The following TMEM132B variants were observed in gnomAD, a reference collection of about 807,000 sequenced individuals.
TMEM132B encodes the protein transmembrane protein 132B.
A neutral mutation model predicts 90.8 loss-of-function variants in TMEM132B; 18 were observed. The ratio of observed to expected loss-of-function variants is 0.20; its 90% CI spans 0.14 to 0.29. The LOEUF (loss-of-function observed/expected upper bound fraction) is 0.29, where lower values mean the gene tolerates loss of function less well. Among genes scored for constraint, TMEM132B ranks in the 10% least tolerant of loss-of-function variants. The probability of loss-of-function intolerance (pLI) is 1.00; values close to 1 mark genes in which losing one functional copy is unlikely to be tolerated. For missense variants in TMEM132B, 1,096 were observed against 1,326.8 expected (o/e 0.83, Z 2.70); for synonymous variants, 504 against 523.3 (o/e 0.96, Z 0.50).
chr12:125,426,409 A>G (rs1487318693), intron 3 of TMEM132B, among the ~76,000 whole-genome samples: 3 of 152,210 alleles, frequency 2.0e-5, no homozygotes. Context: ...ATATGTTCAT[A>G]GATTTCAAGT....
intron 3 of TMEM132B, among the ~76,000 whole-genome samples, chr12:125,494,969 C>T (rs1882506357): frequency 7.6e-6 from 1 of 130,894 alleles, no homozygotes; most frequent in Non-Finnish European, 1.6e-5. Flanking sequence ...TGCGTCCCTC[C>T]TCCCCCTCCT....
chr12:125,317,733 C>T (rs951694756), intron 1 of TMEM132B, among the ~76,000 whole-genome samples: 1 of 152,076 alleles, frequency 6.6e-6, no homozygotes, highest in African/African-American at 2.4e-5. Flanking sequence ...GAAGGGGTGG[C>T]CAGTGTGACT....
At chr12:125,575,778 T>G (rs1884928210) in intron 4 of TMEM132B, among the ~76,000 whole-genome samples, 1 of 152,088 alleles carries the variant, frequency 6.6e-6, no homozygotes, top group African/African-American at 2.4e-5. Context: ...CTTTTTTATG[T>G]GGATATCCGG....
rs1408781103 is a variant in TMEM132B, at chr12:125,658,393, C to A, written c.*3683C>A. Reference sequence around the variant, plus strand: ...CTATTATTAAGGCTCTGTGAGGGAACTGTTCAGTCTCACAGCAAGGACCAC... The same window carrying A: ...CTATTATTAAGGCTCTGTGAGGGAAATGTTCAGTCTCACAGCAAGGACCAC... On this transcript the variant is annotated 3_prime_UTR_variant, in exon 9 of 9. Transcript: ENST00000682704. The A allele has an allele frequency of 6.6e-6, 1 of 152,202 alleles. No homozygotes were observed. The highest frequency in any genetic ancestry group is 2.4e-5 in the African/African-American group (1 of 41,458). 9.4% of individuals were successfully genotyped at this position (152,202 alleles called of 1,614,324 possible).
intron 4 of TMEM132B, among the ~76,000 whole-genome samples, chr12:125,524,870 A>G (rs1309701226): frequency 6.6e-6 from 1 of 152,178 alleles, no homozygotes; most frequent in Non-Finnish European, 1.5e-5. Flanking sequence ...GAGAGACAGA[A>G]TCACAGAGGG....
chr12:125,293,414 A>C (rs1051177147), intron 1 of TMEM132B, among the ~76,000 whole-genome samples: 9 of 138,252 alleles, frequency 6.5e-5, no homozygotes, highest in Non-Finnish European at 1.4e-4. Context: ...TTCTAAGCAT[A>C]ATACCCAGTA....
rs768917407 is a variant in TMEM132B at position 125,432,397 on chromosome 12, A to ATATATATATG, written c.1106+16721_1106+16722insATATATATGT. 7.3e-5 allele frequency among the ~76,000 whole-genome samples: 5 copies of ATATATATATG among 68,346 alleles called. 1 individual carries two copies. The highest frequency in any genetic ancestry group is 3.2e-4 in the African/African-American group (5 of 15,422). 44.8% of individuals were successfully genotyped at this position (68,346 alleles called of 152,430 possible). ...TATATATATATATATATATATATAT[A>ATATATATATG]TGTATGTATGTGTATATATATATAT... On this transcript the variant is annotated intron_variant, in intron 3 of 8. Transcript: ENST00000682704.
rs114100634 is a variant in TMEM132B, at chr12:125,543,714, G to A, written c.1293+24089G>A. 7.3e-3 allele frequency among the ~76,000 whole-genome samples: 1,119 copies of A among 152,342 alleles called. 8 individuals are homozygous for A. The highest frequency in any genetic ancestry group is 0.026 in the African/African-American group (1,079 of 41,574). ...ATTATAAACATCAGATGCTGGCGAG[G>A]TTGCGGAGAAATAGGAAAGCTTTTA... On this transcript the variant is annotated intron_variant, in intron 4 of 8. Transcript: ENST00000682704.
At chr12:125,257,825 C>T (rs1386625910) in intron 1 of TMEM132B, among the ~76,000 whole-genome samples, 1 of 152,186 alleles carries the variant, frequency 6.6e-6, no homozygotes, top group Non-Finnish European at 1.5e-5. Flanking sequence ...CAAGGAATGC[C>T]TGCAGCCATC....
At chr12:125,614,488 T>A (rs1023104141) in intron 5 of TMEM132B, among the ~76,000 whole-genome samples, 1 of 152,310 alleles carries the variant, frequency 6.6e-6, no homozygotes, top group African/African-American at 2.4e-5. Flanking sequence ...GGTGTATATA[T>A]CCCACATTTC....
At chr12:125,554,941 A>G (rs759809822) in intron 4 of TMEM132B, among the ~76,000 whole-genome samples, 2 of 152,186 alleles carry the variant, frequency 1.3e-5, no homozygotes, top group Non-Finnish European at 2.9e-5. Context: ...AGGTGGTTTT[A>G]TCACTGGGGG....
At position 125,612,926 on chromosome 12, in the gene TMEM132B, T is replaced by TTTTA. The variant is rs375481665; in HGVS notation, c.1437+28933_1437+28934insTTAT. Among the ~76,000 whole-genome samples the TTTTA allele has an allele frequency of 3.1e-3, 2 of 646 alleles. 1 individual carries two copies. The highest frequency in any genetic ancestry group is 0.056 in the East Asian group (2 of 36). The allele number at this position is 646 out of a possible 152,430, so 0.4% of individuals were successfully genotyped here. ...AATATATATCATATATATTTATATA[T>TTTTA]TAAAAATATATATCATATATATTTA... is the stretch of plus-strand genomic sequence containing the variant. On this transcript the variant is annotated intron_variant, in intron 5 of 8. Coordinates refer to ENST00000682704, the MANE Select transcript of TMEM132B (RefSeq NM_001366854.1).
intron 5 of TMEM132B, among the ~76,000 whole-genome samples, chr12:125,610,428 C>G (rs1566088720): frequency 6.6e-6 from 1 of 151,990 alleles, no homozygotes; most frequent in Non-Finnish European, 1.5e-5. Context: ...TCTTCTATTC[C>G]TAGTTTGTTG....
chr12:125,261,991 G>A (rs1002695207), intron 1 of TMEM132B, among the ~76,000 whole-genome samples: 21 of 152,162 alleles, frequency 1.4e-4, no homozygotes, highest in South Asian at 8.3e-4. Context: ...GCCACCATGC[G>A]CAGCTTATAT....
intron 5 of TMEM132B, among the ~76,000 whole-genome samples, chr12:125,616,327 C>T (rs560618003): frequency 9.9e-5 from 15 of 152,004 alleles, no homozygotes; most frequent in Middle Eastern, 3.4e-3. Flanking sequence ...TATACCGTCT[C>T]GAGGTTACAG....
chr12:125,571,592 TTTA>T (rs1394192828), intron 4 of TMEM132B, among the ~76,000 whole-genome samples: 4 of 152,252 alleles, frequency 2.6e-5, no homozygotes, highest in African/African-American at 9.6e-5. Context: ...TATGCATTTA[TTTA>T]TTGATTCATC....
At chr12:125,632,697 G>C (rs11608832) in intron 5 of TMEM132B, among the ~76,000 whole-genome samples, 188 of 152,056 alleles carry the variant, frequency 1.2e-3, no homozygotes, top group Non-Finnish European at 2.0e-3. Flanking sequence ...TCCTCCTTCA[G>C]CACTTTAAAT....
Position 125,506,978 on chromosome 12 carries a change from T to C in TMEM132B, c.1107-12461T>C, listed in dbSNP as rs975629390. On this transcript the variant is annotated intron_variant, in intron 3 of 8. Transcript: ENST00000682704. ...TATCATGGCTTTGCCATTCCAAACTTCTGCAGGGCAGAGGGAAACTCCTTT... is the reference window on the plus strand; with the variant it reads ...TATCATGGCTTTGCCATTCCAAACTCCTGCAGGGCAGAGGGAAACTCCTTT... Among the ~76,000 whole-genome samples the C allele has an allele frequency of 2.6e-5, 4 of 152,242 alleles. No homozygotes were observed. The East Asian group carries it at 7.7e-4, about 29-fold the overall frequency.
intron 4 of TMEM132B, among the ~76,000 whole-genome samples, chr12:125,527,653 C>T (rs1294797427): frequency 6.7e-6 from 1 of 150,252 alleles, no homozygotes; most frequent in Non-Finnish European, 1.5e-5. Flanking sequence ...CCCATCCACC[C>T]ATTTACCCTT....
Sources: allele counts gnomAD v4.1 joint callset (sites outside exome capture counted in the v4.1 genomes callset), GRCh38; gene constraint gnomAD v4.1.1; transcripts MANE v1.5; gene names NCBI Gene and HGNC (gene_info 2026-07-23, HGNC 2026-07-21).